The following C1GALT1 variants were observed in gnomAD, a reference collection of about 807,000 sequenced individuals.
The protein encoded by C1GALT1 is glycoprotein-N-acetylgalactosamine 3-beta-galactosyltransferase 1.
In C1GALT1, 11 loss-of-function variants were observed where a neutral mutation model predicts 31.0. That is an observed-to-expected ratio of 0.36 (90% confidence interval 0.22 to 0.59). The LOEUF (loss-of-function observed/expected upper bound fraction) is 0.59, where lower values mean the gene tolerates loss of function less well. C1GALT1 is among the 20% of genes least tolerant of loss of function. The probability of loss-of-function intolerance (pLI) is 0.79; values close to 1 mark genes in which losing one functional copy is unlikely to be tolerated. For synonymous variants in C1GALT1, 175 were observed against 143.6 expected (o/e 1.22, Z -1.56); for missense variants, 424 against 425.2 (o/e 1.00, Z 0.03).
chr7:7,235,044 C>T (rs1437936587), intron 2 of C1GALT1: 1 of 152,472 alleles, frequency 6.6e-6, no homozygotes, highest in Non-Finnish European at 1.5e-5. Flanking sequence ...TCCTAGCCTC[C>T]TACCTCTAAC....
chr7:7,194,405 T>C (rs1781200761), intron 1 of C1GALT1, among the ~76,000 whole-genome samples: 1 of 152,146 alleles, frequency 6.6e-6, no homozygotes, highest in African/African-American at 2.4e-5. Context: ...TTTTGCCAAA[T>C]GCCTTTTCTG....
At chr7:7,217,368 C>A (rs935656748) in intron 1 of C1GALT1, among the ~76,000 whole-genome samples, 2 of 150,618 alleles carry the variant, frequency 1.3e-5, no homozygotes, top group African/African-American at 2.5e-5. Flanking sequence ...CCTGCCCCCA[C>A]CTTTTTTTTT....
In C1GALT1 at chr7:7,222,263, A is replaced by G. The variant is rs34430393; in HGVS notation, c.-17-12040A>G. Among the ~76,000 whole-genome samples the G allele has an allele frequency of 8.3e-3, 1,267 of 152,318 alleles. 10 individuals carry two copies. The highest frequency in any genetic ancestry group is 0.013 in the Non-Finnish European group (862 of 68,024). On this transcript the variant is annotated intron_variant, in intron 1 of 3. Coordinates refer to ENST00000436587, the MANE Select transcript of C1GALT1 (RefSeq NM_020156.5). Reference sequence around the variant, plus strand: ...TTCTGTTTGTCAGATAATGTCATCAAACTTTTATATTAAAGAATAATTGGT... The same window carrying G: ...TTCTGTTTGTCAGATAATGTCATCAGACTTTTATATTAAAGAATAATTGGT...
intron 2 of C1GALT1, among the ~76,000 whole-genome samples, chr7:7,162,610 T>C (rs904719147): frequency 9.2e-5 from 14 of 152,086 alleles, no homozygotes; most frequent in Non-Finnish European, 1.6e-4. Flanking sequence ...GCATGATTTA[T>C]AGTCTTTTGG....
intron 1 of C1GALT1, among the ~76,000 whole-genome samples, chr7:7,184,624 A>G (rs1780733668): frequency 6.6e-6 from 1 of 152,248 alleles, no homozygotes; most frequent in African/African-American, 2.4e-5. Context: ...GCAGTTTAAC[A>G]TTATAAGCCA....
chr7:7,207,022 C>G (rs1781768095), intron 1 of C1GALT1, among the ~76,000 whole-genome samples: 3 of 152,016 alleles, frequency 2.0e-5, no homozygotes, highest in Non-Finnish European at 4.4e-5. Context: ...GGATTTTCAA[C>G]CATTGTTTCT....
chr7:7,191,264 T>G (rs1199264761), intron 1 of C1GALT1, among the ~76,000 whole-genome samples: 1 of 152,172 alleles, frequency 6.6e-6, no homozygotes, highest in Admixed American at 6.5e-5. Context: ...ATTGGCTTAT[T>G]TCATTTAGCA....
intron 2 of C1GALT1, among the ~76,000 whole-genome samples, chr7:7,165,041 A>G (rs573544857): frequency 1.3e-5 from 2 of 152,306 alleles, no homozygotes; most frequent in South Asian, 4.1e-4. Flanking sequence ...TTTCTTTTAG[A>G]TTTGAAAGCC....
chr7:7,207,785 T>C (rs1781815583), intron 1 of C1GALT1, among the ~76,000 whole-genome samples: 1 of 144,182 alleles, frequency 6.9e-6, no homozygotes, highest in Non-Finnish European at 1.5e-5. Flanking sequence ...GTGCTTTTTT[T>C]CTTTGTTTTT....
At chr7:7,174,088 G>A (rs1780480523) in intron 2 of C1GALT1, among the ~76,000 whole-genome samples, 1 of 151,820 alleles carries the variant, frequency 6.6e-6, no homozygotes, top group Non-Finnish European at 1.5e-5. Flanking sequence ...TCCCCACACG[G>A]CCTTTCCTCG....
intron 1 of C1GALT1, among the ~76,000 whole-genome samples, chr7:7,187,232 T>G (rs1183643835): frequency 6.6e-6 from 1 of 151,630 alleles, no homozygotes; most frequent in Admixed American, 6.6e-5. Context: ...TTAAAAGTAG[T>G]CTTATCTCTA....
rs114807009 is a variant in C1GALT1, at chr7:7,206,827, A to G, written c.-18+24007A>G. ...TGTCCTCCAAAGTGTCTGATGAGAA[A>G]TCTGATAATTTTATTGAGGACTGCT... On this transcript the variant is annotated intron_variant, in intron 1 of 3. Coordinates refer to ENST00000436587, the MANE Select transcript of C1GALT1 (RefSeq NM_020156.5). 2.0e-3 allele frequency among the ~76,000 whole-genome samples: 303 copies of G among 152,120 alleles called. 2 individuals carry two copies. Among genetic ancestry groups the G allele is most frequent in the African/African-American group, 6.9e-3 (288 of 41,502 alleles).
At chr7:7,203,795 C>T in intron 1 of C1GALT1, among the ~76,000 whole-genome samples, 1 of 152,164 alleles carries the variant, frequency 6.6e-6, no homozygotes, top group Non-Finnish European at 1.5e-5. Context: ...TATCCATGAT[C>T]TCAAACACTT....
intron 1 of C1GALT1, among the ~76,000 whole-genome samples, chr7:7,189,838 C>T (rs1780979694): frequency 6.6e-6 from 1 of 151,952 alleles, no homozygotes; most frequent in Non-Finnish European, 1.5e-5. Context: ...ATCTTAGAAA[C>T]ATTTGAAATT....
chr7:7,225,426 A>T (rs1782715827), intron 1 of C1GALT1, among the ~76,000 whole-genome samples: 1 of 152,330 alleles, frequency 6.6e-6, no homozygotes, highest in Middle Eastern at 3.4e-3. Flanking sequence ...TTGAGCTTTA[A>T]AACTTAGATC....
chr7:7,226,467 G>A (rs185840351), intron 1 of C1GALT1, among the ~76,000 whole-genome samples: 137 of 152,246 alleles, frequency 9.0e-4, no homozygotes, highest in African/African-American at 3.2e-3. Flanking sequence ...ATGGTAAAGG[G>A]CATTAAAATC....
chr7:7,212,098 A>G (rs182357228), intron 1 of C1GALT1, among the ~76,000 whole-genome samples: 1 of 152,320 alleles, frequency 6.6e-6, no homozygotes, highest in East Asian at 1.9e-4. Context: ...ACTCAGTTCC[A>G]CAAGGAATCT....
intron 1 of C1GALT1, among the ~76,000 whole-genome samples, chr7:7,185,503 G>A (rs755687697): frequency 7.9e-5 from 12 of 152,282 alleles, no homozygotes; most frequent in Middle Eastern, 3.4e-3. Flanking sequence ...CTCAAGGTTC[G>A]AGGGGAGAAT....
chr7:7,207,460 CA>C (rs1186477290), intron 1 of C1GALT1, among the ~76,000 whole-genome samples: 1 of 145,804 alleles, frequency 6.9e-6, no homozygotes, highest in Non-Finnish European at 1.5e-5. Flanking sequence ...TGTAGTTGTG[CA>C]CACTGTGCCT....
Sources: gnomAD v4.1 joint callset for allele counts (sites outside exome capture counted in the v4.1 genomes callset) on GRCh38, gnomAD v4.1.1 for gene constraint, MANE v1.5 for transcripts, NCBI Gene and HGNC (gene_info 2026-07-23, HGNC 2026-07-21) for gene names.